MPHOSPH8: variants seen among roughly 807,000 people sequenced by gnomAD.
MPHOSPH8 encodes M-phase phosphoprotein, mpp.
A neutral mutation model predicts 87.3 loss-of-function variants in MPHOSPH8; 45 were observed. The ratio of observed to expected loss-of-function variants is 0.52; its 90% CI spans 0.41 to 0.66. The LOEUF (loss-of-function observed/expected upper bound fraction) is 0.66. MPHOSPH8 is among the 30% of genes least tolerant of loss of function. The probability of loss-of-function intolerance (pLI) is 0.00; values close to 1 mark genes in which losing one functional copy is unlikely to be tolerated. For missense variants in MPHOSPH8, 883 were observed against 1,020.2 expected (o/e 0.87, Z 1.83); for synonymous variants, 366 against 376.9 (o/e 0.97, Z 0.33).
At position 19,663,067 on chromosome 13, in the gene MPHOSPH8, T is replaced by C. The variant is rs764073608; in HGVS notation, c.1960T>C (p.Leu654=). The C allele has an allele frequency of 8.7e-6, 14 of 1,613,882 alleles. No individual in the cohort carries two copies. The highest frequency in any genetic ancestry group is 1.7e-6 in the Non-Finnish European group (2 of 1,179,792). The change falls in exon 9 of 14, where the codon TTG becomes CTG. Residue 654 remains leucine, a synonymous_variant. Coordinates refer to ENST00000361479, the MANE Select transcript of MPHOSPH8 (RefSeq NM_017520.4). ...CTTTTTAACAACAGTGGCTATTCTTTTGGAAGCAGGAGCTTTTGTAAATGT... is the reference window on the plus strand; with the variant it reads ...CTTTTTAACAACAGTGGCTATTCTTCTGGAAGCAGGAGCTTTTGTAAATGT... ...KNFLTTVAIL[L]EAGAFVNVQQ... is the part of the protein sequence containing the mutation.
At position 19,671,978 on chromosome 13, in the gene MPHOSPH8, G is replaced by A; in HGVS notation, c.*103G>A. On this transcript the variant is annotated 3_prime_UTR_variant, in exon 14 of 14. Coordinates refer to ENST00000361479, the MANE Select transcript of MPHOSPH8 (RefSeq NM_017520.4). ...AGCACATCTATGTAAAGTTTTGTCT[G>A]TAAACCTCTTGCAGTTAAGCCTGTT... 5.8e-6 allele frequency: 7 copies of A among 1,217,372 alleles called. No homozygotes were observed. The highest frequency in any genetic ancestry group is 8.4e-6 in the Non-Finnish European group (7 of 833,962). The allele number at this position is 1,217,372 out of a possible 1,614,324, so 75.4% of individuals were successfully genotyped here.
At chr13:19,638,592 G>A (rs928569742) in intron 1 of MPHOSPH8, among the ~76,000 whole-genome samples, 1 of 150,936 alleles carries the variant, frequency 6.6e-6, no homozygotes, top group African/African-American at 2.5e-5. Context: ...CAGCCTGACA[G>A]AGCAAGACTC....
At chr13:19,663,172 G>T (rs767580837) in intron 9 of MPHOSPH8, 46 bp downstream of exon 9, 4 of 1,513,162 alleles carry the variant, frequency 2.6e-6, no homozygotes, top group Non-Finnish European at 3.7e-6. Context: ...ACGTTGGCAG[G>T]TGCTCGTGTT....
In MPHOSPH8 at chr13:19,673,100, T is replaced by TTTTTTTTTG. The variant is rs1319918704; in HGVS notation, c.*1233_*1234insGTTTTTTTT. 1 of 26,614 alleles carries TTTTTTTTTG rather than the reference T, an allele frequency of 3.8e-5. No individual in the cohort carries two copies. The highest frequency in any genetic ancestry group is 1.3e-4 in the African/African-American group (1 of 7,768). 1.6% of individuals were successfully genotyped at this position (26,614 alleles called of 1,614,324 possible). A position where few individuals can be genotyped will look rare whatever the true frequency, so the allele number is the denominator to read the frequency against. On this transcript the variant is annotated 3_prime_UTR_variant, in exon 14 of 14. Coordinates refer to ENST00000361479, the MANE Select transcript of MPHOSPH8 (RefSeq NM_017520.4). ...TGGAACCTATACGGTTTTTTTTTGT[T>TTTTTTTTTG]TTTTTTTTTTGAAAAGCCAGACCTT...
rs1593492450 is a variant in MPHOSPH8 at position 19,668,388 on chromosome 13, T to C, written c.2186T>C (p.Val729Ala). Reference sequence around the variant, plus strand: ...TTTTTTTTTCTTAGACTTTCAAGAGTAGCAGAAGAGACAATAAAGGATTAC... The same window carrying C: ...TTTTTTTTTCTTAGACTTTCAAGAGCAGCAGAAGAGACAATAAAGGATTAC... ...LKNHLETLSR[V>A]AEETIKDYFE... The change falls in exon 11 of 14, where the codon GTA becomes GCA. Residue 729 changes from valine (V) to alanine (A), a missense_variant. Transcript: ENST00000361479. The C allele has an allele frequency of 5.6e-6, 9 of 1,613,212 alleles. No homozygotes were observed. Among genetic ancestry groups the C allele is most frequent in the Non-Finnish European group, 7.6e-6 (9 of 1,179,714 alleles).
intron 1 of MPHOSPH8, among the ~76,000 whole-genome samples, chr13:19,641,176 C>T (rs1294558839): frequency 5.3e-5 from 8 of 152,248 alleles, no homozygotes; most frequent in African/African-American, 1.9e-4. Context: ...GTTTTCCACA[C>T]CAGGGTCTGG....
At chr13:19,665,775 G>A (rs183431050) in intron 9 of MPHOSPH8, among the ~76,000 whole-genome samples, 1 of 152,328 alleles carries the variant, frequency 6.6e-6, no homozygotes. Context: ...AAATGGAAAC[G>A]TGCCACTCAG....
At chr13:19,666,696 C>T in intron 10 of MPHOSPH8, 117 bp downstream of exon 10, 1 of 881,610 alleles carries the variant, frequency 1.1e-6, no homozygotes, top group Non-Finnish European at 1.6e-6. Flanking sequence ...CAGCACAAGT[C>T]CTGATGGTTT....
Position 19,640,820 on chromosome 13 carries a change from A to AT in MPHOSPH8, c.214-1289dup, listed in dbSNP as rs774814423. Among the ~76,000 whole-genome samples, 14 of 152,250 alleles carry AT rather than the reference A, an allele frequency of 9.2e-5. No homozygotes were observed. In the East Asian group the frequency reaches 2.3e-3, roughly 25 times the overall value. Reference sequence around the variant, plus strand: ...ATGGAAAAGGGAGCGTTTTTGTACTATTTTTTGTTGTATTTGTATGATGGA... The same window carrying AT: ...ATGGAAAAGGGAGCGTTTTTGTACTATTTTTTTGTTGTATTTGTATGATGGA... On this transcript the variant is annotated intron_variant, in intron 1 of 13. Coordinates refer to ENST00000361479, the MANE Select transcript of MPHOSPH8 (RefSeq NM_017520.4).
chr13:19,670,934 C>A, intron 12 of MPHOSPH8: 1 of 972,490 alleles, frequency 1.0e-6, no homozygotes. Context: ...ATCCTCCCAC[C>A]TCAGCCTCCT....
At chr13:19,658,234 GC>G (rs1875307241) in intron 5 of MPHOSPH8, among the ~76,000 whole-genome samples, 1 of 152,164 alleles carries the variant, frequency 6.6e-6, no homozygotes, top group South Asian at 2.1e-4. Context: ...CAGGCCATCT[GC>G]CTAACATCAT....
intron 7 of MPHOSPH8, among the ~76,000 whole-genome samples, chr13:19,659,955 A>ATTTTTTTT (rs34817892): frequency 1.7e-5 from 1 of 59,134 alleles, no homozygotes; most frequent in Non-Finnish European, 3.2e-5. Flanking sequence ...ATATGTATGG[A>ATTTTTTTT]TTTTTTTTTT....
At chr13:19,655,460 T>G (rs1352836313) in intron 5 of MPHOSPH8, among the ~76,000 whole-genome samples, 1 of 151,810 alleles carries the variant, frequency 6.6e-6, no homozygotes, top group African/African-American at 2.4e-5. Context: ...AGAGTGAGAC[T>G]CTGTCTCAAA....
rs1876147305 is a variant in MPHOSPH8, at chr13:19,671,825, T to C, written c.2542-9T>C. 5 of 1,613,950 alleles carry C rather than the reference T, an allele frequency of 3.1e-6. No individual in the cohort carries two copies. Among genetic ancestry groups the C allele is most frequent in the African/African-American group, 1.3e-5 (1 of 74,934 alleles). Reference sequence around the variant, plus strand: ...CTGTACTGACACCTGCGTTCTTTTCTTTCAACAGGTTAAGTTGCTAATAGG... The same window carrying C: ...CTGTACTGACACCTGCGTTCTTTTCCTTCAACAGGTTAAGTTGCTAATAGG... On this transcript the variant is annotated splice_polypyrimidine_tract_variant and intron_variant, in intron 13 of 13. Transcript: ENST00000361479.
rs776707000 is a variant in MPHOSPH8, at chr13:19,646,890, C to T, written c.817C>T (p.Pro273Ser). The T allele has an allele frequency of 2.3e-5, 37 of 1,603,672 alleles. No homozygotes were observed. The highest frequency in any genetic ancestry group is 3.0e-5 in the Non-Finnish European group (35 of 1,177,778). The part of the protein sequence containing the change: ...ESESSVLNDS[P>S]FPEDDSEGLH... ...TGAATCAAGTGTACTTAATGATTCTCCCTTTCCAGAGGATGACAGTGAAGG... is the reference window on the plus strand; with the variant it reads ...TGAATCAAGTGTACTTAATGATTCTTCCTTTCCAGAGGATGACAGTGAAGG... The change falls in exon 3 of 14, where the codon CCC (proline) becomes TCC (serine). Residue 273 changes from proline (P) to serine (S), a missense_variant. By Grantham distance (74) the Pro-to-Ser change is moderately conservative. Coordinates refer to ENST00000361479, the MANE Select transcript of MPHOSPH8 (RefSeq NM_017520.4).
intron 5 of MPHOSPH8, among the ~76,000 whole-genome samples, chr13:19,654,530 A>T (rs1395263331): frequency 6.6e-6 from 1 of 152,250 alleles, no homozygotes; most frequent in African/African-American, 2.4e-5. Context: ...GCCAAGTCAG[A>T]TGGGTTTCTC....
chr13:19,664,274 T>C (rs1875701636), intron 9 of MPHOSPH8, among the ~76,000 whole-genome samples: 1 of 152,204 alleles, frequency 6.6e-6, no homozygotes, highest in African/African-American at 2.4e-5. Context: ...TTGTCTTTGT[T>C]TCCCTTCATT....
chr13:19,668,992 C>T (rs1011964368), intron 11 of MPHOSPH8, among the ~76,000 whole-genome samples: 3 of 152,142 alleles, frequency 2.0e-5, no homozygotes, highest in Non-Finnish European at 2.9e-5. Flanking sequence ...CTACACGTGG[C>T]GCCAGGTAGA....
intron 7 of MPHOSPH8, among the ~76,000 whole-genome samples, chr13:19,660,665 T>A (rs912346378): frequency 6.6e-5 from 10 of 152,220 alleles, no homozygotes; most frequent in African/African-American, 2.4e-4. Context: ...ATATAGACGT[T>A]GCACATTTCC....
Sources: gnomAD v4.1 joint callset for allele counts (sites outside exome capture counted in the v4.1 genomes callset) on GRCh38, gnomAD v4.1.1 for gene constraint, MANE v1.5 for transcripts, NCBI Gene and HGNC (gene_info 2026-07-23, HGNC 2026-07-21) for gene names.